The following OSBPL11 variants were observed in gnomAD, a reference collection of about 807,000 sequenced individuals.
OSBPL11 encodes the protein oxysterol-binding protein-related protein 11.
Under a neutral mutation model 84.4 loss-of-function variants are expected in OSBPL11, and 33 were observed. The observed-to-expected ratio is 0.39, with a 90% CI of 0.30 to 0.52. OSBPL11 has a LOEUF of 0.52. OSBPL11 is among the 20% of genes least tolerant of loss of function. The probability of loss-of-function intolerance (pLI) is 0.72; values close to 1 mark genes in which losing one functional copy is unlikely to be tolerated. For synonymous variants in OSBPL11, 276 were observed against 310.2 expected (o/e 0.89, Z 1.16); for missense variants, 736 against 901.1 (o/e 0.82, Z 2.35).
chr3:125,551,363 C>T (rs895086553), intron 9 of OSBPL11, among the ~76,000 whole-genome samples: 2 of 151,288 alleles, frequency 1.3e-5, no homozygotes, highest in Non-Finnish European at 2.9e-5. Context: ...TATGAACATA[C>T]ACACACAGAA....
At position 125,532,013 on chromosome 3, in the gene OSBPL11, G is replaced by A. The variant is rs766605810; in HGVS notation, c.2026C>T (p.Arg676Ter). The change falls in exon 12 of 13, where the codon CGA (arginine) becomes TGA (stop). Residue 676 changes from arginine (R) to a stop codon, truncating the protein, a stop_gained and splice_region_variant. Transcript: ENST00000296220. LOFTEE classifies it high-confidence loss of function. ...GAGTCTGTCACATTTTTCCACAATC[G>A]CCTGAAATCCAAAAACCACACATTT... ...LEKQDPFESR[R>*]LWKNVTDSLR... 3.8e-6 allele frequency: 6 copies of A among 1,595,752 alleles called. No homozygotes were observed. The highest frequency in any genetic ancestry group is 5.1e-6 in the Non-Finnish European group (6 of 1,173,934).
chr3:125,590,641 T>C (rs536687602), intron 1 of OSBPL11, among the ~76,000 whole-genome samples: 7 of 152,336 alleles, frequency 4.6e-5, no homozygotes, highest in Admixed American at 4.6e-4. Context: ...ATTATTTTGA[T>C]GATCCTCCTA....
chr3:125,540,173 C>CA (rs1230033535), intron 10 of OSBPL11, among the ~76,000 whole-genome samples: 2 of 151,486 alleles, frequency 1.3e-5, no homozygotes, highest in Admixed American at 1.3e-4. Context: ...ACTAAAAATA[C>CA]AAAAAATTAG....
At chr3:125,565,653 T>G (rs1333436130) in intron 6 of OSBPL11, among the ~76,000 whole-genome samples, 1 of 152,244 alleles carries the variant, frequency 6.6e-6, no homozygotes, top group Non-Finnish European at 1.5e-5. Flanking sequence ...GCATATTTTT[T>G]GTTTCTTCTT....
intron 11 of OSBPL11, among the ~76,000 whole-genome samples, chr3:125,532,805 T>TTCATCATTGCCCCCAACTGGTAAAC (rs56332058): frequency 1.3e-5 from 2 of 152,004 alleles, no homozygotes; most frequent in Non-Finnish European, 2.9e-5. Flanking sequence ...AGCAGTATTA[T>TTCATCATTGCCCCCAACTGGTAAAC]GGATAGGCAA....
chr3:125,581,334 C>T (rs1262877644), intron 2 of OSBPL11, among the ~76,000 whole-genome samples: 2 of 151,838 alleles, frequency 1.3e-5, no homozygotes, highest in Admixed American at 6.5e-5. Flanking sequence ...TCAGGCGATC[C>T]TCCCGCCTCG....
intron 9 of OSBPL11, among the ~76,000 whole-genome samples, chr3:125,551,632 G>T (rs1262752517): frequency 6.6e-6 from 1 of 151,950 alleles, no homozygotes; most frequent in Non-Finnish European, 1.5e-5. Flanking sequence ...TTAGCTGGGT[G>T]TGGTGGCATG....
chr3:125,583,747 A>G (rs1042145274), intron 1 of OSBPL11, among the ~76,000 whole-genome samples: 1 of 152,130 alleles, frequency 6.6e-6, no homozygotes, highest in Non-Finnish European at 1.5e-5. Context: ...ACGTAAAATA[A>G]ATAAATAAGA....
intron 6 of OSBPL11, 110 bp downstream of exon 6, chr3:125,567,284 T>A: frequency 1.0e-6 from 1 of 953,436 alleles, no homozygotes; most frequent in Middle Eastern, 2.3e-4. Context: ...GCTCTGGTTT[T>A]CTTCTCCTTT....
chr3:125,577,435 T>C (rs1328703936), intron 4 of OSBPL11, among the ~76,000 whole-genome samples: 1 of 152,096 alleles, frequency 6.6e-6, no homozygotes, highest in Non-Finnish European at 1.5e-5. Context: ...ATTAGTAAAA[T>C]GAAATCAAAA....
At chr3:125,592,033 AT>A (rs1196842503) in intron 1 of OSBPL11, among the ~76,000 whole-genome samples, 1 of 149,566 alleles carries the variant, frequency 6.7e-6, no homozygotes, top group East Asian at 1.9e-4. Context: ...AAACTACCAA[AT>A]TATTTTAAAA....
intron 5 of OSBPL11, among the ~76,000 whole-genome samples, chr3:125,568,198 G>A (rs967158025): frequency 5.3e-5 from 8 of 151,996 alleles, no homozygotes; most frequent in South Asian, 2.1e-4. Flanking sequence ...TTGGGAGGCC[G>A]AGGCAGGCAG....
At chr3:125,534,994 G>GT (rs962236170) in intron 11 of OSBPL11, among the ~76,000 whole-genome samples, 10 of 112,270 alleles carry the variant, frequency 8.9e-5, no homozygotes, top group African/African-American at 3.1e-4. Flanking sequence ...TATTTACAAT[G>GT]TAAGGAGAAA....
intron 5 of OSBPL11, 47 bp from the exon 6 acceptor site, chr3:125,567,642 A>T: frequency 1.4e-6 from 2 of 1,449,384 alleles, no homozygotes; most frequent in Non-Finnish European, 1.9e-6. Context: ...TTTCTGTAAA[A>T]CATGTATACA....
At chr3:125,534,099 A>C (rs1159951539) in intron 11 of OSBPL11, among the ~76,000 whole-genome samples, 1 of 152,128 alleles carries the variant, frequency 6.6e-6, no homozygotes, top group Non-Finnish European at 1.5e-5. Flanking sequence ...AACATTTACC[A>C]AGGCCAGGTG....
intron 1 of OSBPL11, among the ~76,000 whole-genome samples, chr3:125,585,069 A>T (rs1357981945): frequency 1.3e-5 from 2 of 152,126 alleles, no homozygotes. Flanking sequence ...CATGAGCCAC[A>T]AATTTTTTAA....
Position 125,564,116 on chromosome 3 carries a change from T to A in OSBPL11, c.869-273A>T, listed in dbSNP as rs557184423. Reference sequence around the variant, plus strand: ...TTTACTTCTTGGACAAGTCTGTGAATCACGAAGTATATTCCCAACCTAACA... The same window carrying A: ...TTTACTTCTTGGACAAGTCTGTGAAACACGAAGTATATTCCCAACCTAACA... On this transcript the variant is annotated intron_variant, in intron 6 of 12. Coordinates refer to ENST00000296220, the MANE Select transcript of OSBPL11 (RefSeq NM_022776.5). Among the ~76,000 whole-genome samples, 26 of 152,366 alleles carry A rather than the reference T, an allele frequency of 1.7e-4. 1 individual carries two copies. In the South Asian group the frequency reaches 5.4e-3, roughly 32 times the overall value.
intron 1 of OSBPL11, among the ~76,000 whole-genome samples, chr3:125,590,201 A>C (rs1288136476): frequency 6.6e-6 from 1 of 152,210 alleles, no homozygotes; most frequent in Non-Finnish European, 1.5e-5. Context: ...AATATAAATT[A>C]CTCTGGAAAC....
At chr3:125,568,203 A>T (rs978130462) in intron 5 of OSBPL11, among the ~76,000 whole-genome samples, 3 of 151,982 alleles carry the variant, frequency 2.0e-5, no homozygotes, top group African/African-American at 7.3e-5. Context: ...AGGCCGAGGC[A>T]GGCAGATCAC....
Sources: allele counts gnomAD v4.1 joint callset (sites outside exome capture counted in the v4.1 genomes callset), GRCh38; gene constraint gnomAD v4.1.1; transcripts MANE v1.5; gene names NCBI Gene and HGNC (gene_info 2026-07-23, HGNC 2026-07-21).